Variants in THRAP3 observed in about 807,000 individuals in gnomAD.
The protein encoded by THRAP3 is thyroid hormone receptor associated protein 3.
Under a neutral mutation model 101.0 loss-of-function variants are expected in THRAP3, and 16 were observed. That is an observed-to-expected ratio of 0.16 (90% CI 0.11 to 0.24). The LOEUF (loss-of-function observed/expected upper bound fraction) is 0.24. Among genes scored for constraint, THRAP3 ranks in the 10% least tolerant of loss-of-function variants. THRAP3 has a pLI of 1.00. For synonymous variants in THRAP3, 407 were observed against 422.6 expected (o/e 0.96, Z 0.45); for missense variants, 989 against 1,202.7 (o/e 0.82, Z 2.63).
At chr1:36,289,035 C>T in intron 4 of THRAP3, 25 bp from the exon 5 acceptor site, 1 of 1,535,002 alleles carries the variant, frequency 6.5e-7, no homozygotes, top group Non-Finnish European at 8.7e-7. Context: ...CCTCTTGTGT[C>T]TCTCTCTTGT....
At chr1:36,241,232 G>A (rs920822537) in intron 1 of THRAP3, among the ~76,000 whole-genome samples, 2 of 148,918 alleles carry the variant, frequency 1.3e-5, no homozygotes, top group East Asian at 3.9e-4. Flanking sequence ...TCAGAAATAC[G>A]TGCCGCTGAC....
In THRAP3 at chr1:36,304,936, A is replaced by G. The variant is rs528948156; in HGVS notation, c.*919A>G. On this transcript the variant is annotated 3_prime_UTR_variant, in exon 12 of 12. Coordinates refer to ENST00000354618, the MANE Select transcript of THRAP3 (RefSeq NM_005119.4). ...TTTTATTAATCTTTTTATAAAATGA[A>G]AAGAAACTCCTATGATCGATTAAGG... is the stretch of plus-strand genomic sequence containing the variant. 16 of 209,444 alleles carry G rather than the reference A, an allele frequency of 7.6e-5. No homozygotes were observed. The East Asian group carries it at 1.1e-3, about 14-fold the overall frequency. 13.0% of individuals were successfully genotyped at this position (209,444 alleles called of 1,614,324 possible). A position where few individuals can be genotyped will look rare whatever the true frequency, so the allele number is the denominator to read the frequency against.
chr1:36,216,495 C>CAAAAAA, the THRAP3 span, among the ~76,000 whole-genome samples: 1 of 56,420 alleles, frequency 1.8e-5, no homozygotes, highest in Non-Finnish European at 3.5e-5. Context: ...GACTCCGTCT[C>CAAAAAA]AAAAAAAAAA....
chr1:36,286,504 G>A lies in THRAP3; in HGVS notation c.274G>A (p.Gly92Ser). Residue 92 changes from glycine (G) to serine (S), a missense_variant, in exon 4 of 12, where the codon GGC becomes AGC. Coordinates refer to ENST00000354618, the MANE Select transcript of THRAP3 (RefSeq NM_005119.4). This position sits in a 1 kb window ranked among gnomAD's most constrained non-coding sequence, Gnocchi z 5.5. ...CTATTATTTCCGTGGGCGTAACAGA[G>A]GCTTTTATCCATGGGGCCAATATAA... ...RPYYFRGRNR[G>S]FYPWGQYNRG... The A allele has an allele frequency of 6.2e-6, 10 of 1,614,124 alleles. No individual in the cohort carries two copies. Among genetic ancestry groups the A allele is most frequent in the Non-Finnish European group, 8.5e-6 (10 of 1,180,050 alleles).
chr1:36,213,997 G>GGAAAGAAAGAAAGAAA, the THRAP3 span, among the ~76,000 whole-genome samples: 1 of 81,010 alleles, frequency 1.2e-5, no homozygotes, highest in Non-Finnish European at 2.5e-5. Context: ...AAGAAAGAAA[G>GGAAAGAAAGAAAGAAA]GAAAGAAAGA....
At chr1:36,226,156 A>G (rs140254562) in intron 1 of THRAP3, among the ~76,000 whole-genome samples, 123 of 152,268 alleles carry the variant, frequency 8.1e-4, no homozygotes, top group African/African-American at 2.8e-3. Context: ...AGAGTGATCT[A>G]TTTTGTTCCG....
At chr1:36,218,615 G>A in the THRAP3 span, among the ~76,000 whole-genome samples, 18 of 151,434 alleles carry the variant, frequency 1.2e-4, no homozygotes, top group African/African-American at 3.4e-4. Context: ...CTAGCTACTC[G>A]GGAGGCTGAG....
At position 36,277,932 on chromosome 1, in the gene THRAP3, G is replaced by GT. The variant is rs1397041682; in HGVS notation, c.-31-4600dup. On this transcript the variant is annotated intron_variant, in intron 2 of 11. Transcript: ENST00000354618. ...CTGCTGCCACACCCAGCTAATTTTA[G>GT]TATTTTTTTTAGTAGAGAGGGGGTT... Among the ~76,000 whole-genome samples the GT allele has an allele frequency of 3.3e-5, 5 of 151,556 alleles. No homozygotes were observed. The East Asian group carries it at 9.7e-4, about 29-fold the overall frequency.
At chr1:36,287,431 T>A in intron 4 of THRAP3, 161 bp downstream of exon 4, 1 of 983,926 alleles carries the variant, frequency 1.0e-6, no homozygotes. Flanking sequence ...CAAGGAAACC[T>A]TTAGGTTAAC....
At position 36,288,929 on chromosome 1, in the gene THRAP3, T is replaced by C. The variant is rs373676103; in HGVS notation, c.1041-131T>C. 1.2e-4 allele frequency: 158 copies of C among 1,331,768 alleles called. No individual in the cohort carries two copies. In the African/African-American group the frequency reaches 2.1e-3, roughly 18 times the overall value. The allele number at this position is 1,331,768 out of a possible 1,614,324, so 82.5% of individuals were successfully genotyped here. On this transcript the variant is annotated intron_variant, in intron 4 of 11. Coordinates refer to ENST00000354618, the MANE Select transcript of THRAP3 (RefSeq NM_005119.4). ...TATTACGAAGTAACCGCCTAGAAAG[T>C]CCTTTGGTAATACAGGAATCCATAA... is the stretch of plus-strand genomic sequence containing the variant.
At chr1:36,274,099 CACACACACAG>C (rs1353989418) in intron 2 of THRAP3, among the ~76,000 whole-genome samples, 3 of 146,428 alleles carry the variant, frequency 2.0e-5, no homozygotes, top group East Asian at 2.0e-4. Flanking sequence ...CACACACACA[CACACACACAG>C]ACAAAATGAG....
At position 36,301,046 on chromosome 1, in the gene THRAP3, C is replaced by G. The variant is rs752375956; in HGVS notation, c.2464C>G (p.Pro822Ala). 1.2e-6 allele frequency: 2 copies of G among 1,614,178 alleles called. No individual in the cohort carries two copies. The highest frequency in any genetic ancestry group is 8.5e-7 in the Non-Finnish European group (1 of 1,180,032). The change falls in exon 10 of 12, where the codon CCA (proline) becomes GCA (alanine). Residue 822 changes from proline to alanine, a missense_variant. Pro to Ala is a conservative substitution (Grantham distance 27). Coordinates refer to ENST00000354618, the MANE Select transcript of THRAP3 (RefSeq NM_005119.4). The part of the protein sequence containing the change: ...SRLGTKDFVG[P>A]SERGGGRARG... Reference sequence around the variant, plus strand: ...ACTGGGGACCAAAGACTTTGTGGGTCCAAGTGAAAGAGGAGGTGGCAGAGC... The same window carrying G: ...ACTGGGGACCAAAGACTTTGTGGGTGCAAGTGAAAGAGGAGGTGGCAGAGC...
At chr1:36,281,346 T>TA (rs1645729177) in intron 2 of THRAP3, among the ~76,000 whole-genome samples, 1 of 152,220 alleles carries the variant, frequency 6.6e-6, no homozygotes, top group Non-Finnish European at 1.5e-5. Context: ...CTCATTACTT[T>TA]TATTAACAGC....
intron 1 of THRAP3, among the ~76,000 whole-genome samples, chr1:36,229,394 T>G (rs1460619481): frequency 7.0e-6 from 1 of 143,310 alleles, no homozygotes; most frequent in Non-Finnish European, 1.5e-5. Context: ...CCGTGTCTGG[T>G]CTACAGTTTT....
At chr1:36,288,569 T>G in intron 4 of THRAP3, 4 of 985,466 alleles carry the variant, frequency 4.1e-6, no homozygotes, top group Non-Finnish European at 4.8e-6. Context: ...ATTTAGATCT[T>G]CTAGGTGACT....
At chr1:36,299,518 T>C (rs1189588191) in intron 9 of THRAP3, among the ~76,000 whole-genome samples, 3 of 151,650 alleles carry the variant, frequency 2.0e-5, no homozygotes, top group African/African-American at 7.3e-5. Context: ...GTTTTGTTTT[T>C]GAGGTAGAGT....
At chr1:36,232,831 G>T (rs1254306073) in intron 1 of THRAP3, among the ~76,000 whole-genome samples, 1 of 151,740 alleles carries the variant, frequency 6.6e-6, no homozygotes, top group African/African-American at 2.4e-5. Flanking sequence ...TGTTTTGGTC[G>T]TGGTGGTGGT....
Position 36,289,777 on chromosome 1 carries a change from CCTT to C in THRAP3, c.1745+17_1745+19del, listed in dbSNP as rs1557451206. ...AGGACCTCGCACGGTGAGATATGCT[CCTT>C]CTTGATCCTCAGTGCTTTAGTGGCC... is the stretch of plus-strand genomic sequence containing the variant. On this transcript the variant is annotated intron_variant, in intron 5 of 11. Transcript: ENST00000354618. 3.2e-6 allele frequency: 5 copies of C among 1,579,052 alleles called. No individual in the cohort carries two copies. The Admixed American group carries it at 7.3e-5, about 23-fold the overall frequency.
upstream of THRAP3, among the ~76,000 whole-genome samples, chr1:36,222,147 G>A (rs1234654404): frequency 6.6e-6 from 1 of 151,734 alleles, no homozygotes; most frequent in Non-Finnish European, 1.5e-5. Flanking sequence ...TTATCCACCC[G>A]CCTTGGCCTC....
Sources: allele counts gnomAD v4.1 joint callset (sites outside exome capture counted in the v4.1 genomes callset), GRCh38; gene constraint gnomAD v4.1.1; non-coding constraint Gnocchi (gnomAD v3.1); transcripts MANE v1.5; gene names NCBI Gene and HGNC (gene_info 2026-07-23, HGNC 2026-07-21).